Variants in PRR5L observed in about 807,000 individuals in gnomAD.
PRR5L encodes the protein proline-rich protein 5-like.
A neutral mutation model predicts 36.4 loss-of-function variants in PRR5L; 21 were observed. That is an observed-to-expected ratio of 0.58 (90% CI 0.41 to 0.83). PRR5L has a LOEUF of 0.83. Among genes scored for constraint, PRR5L ranks in the 40% least tolerant of loss-of-function variants. The pLI is 0.00. For synonymous variants in PRR5L, 188 were observed against 197.0 expected, an observed-to-expected ratio of 0.95 and a Z score of 0.38; for missense variants, 381 against 473.3, an observed-to-expected ratio of 0.80 and a Z score of 1.81.
At chr11:36,410,633 G>A (rs1168484999) in intron 3 of PRR5L, among the ~76,000 whole-genome samples, 11 of 152,200 alleles carry the variant, frequency 7.2e-5, no homozygotes, top group Admixed American at 5.9e-4. Flanking sequence ...CTCTTCGTCA[G>A]TTTCCTCCAT....
chr11:36,396,444 G>A (rs993256983), intron 1 of PRR5L, among the ~76,000 whole-genome samples: 9 of 152,356 alleles, frequency 5.9e-5, no homozygotes, highest in East Asian at 1.9e-4. Context: ...TGGGGATGGC[G>A]GCTCAGAGGA....
chr11:36,340,072 T>A (rs1856804137), intron 1 of PRR5L, among the ~76,000 whole-genome samples: 1 of 152,222 alleles, frequency 6.6e-6, no homozygotes, highest in African/African-American at 2.4e-5. Flanking sequence ...ACAGCTTTGA[T>A]CTCATCCATT....
chr11:36,434,998 A>G (rs1858575088), intron 5 of PRR5L, among the ~76,000 whole-genome samples: 1 of 152,212 alleles, frequency 6.6e-6, no homozygotes. Flanking sequence ...CTGACCTGCA[A>G]GGTTCTCTCT....
At chr11:36,331,198 A>T (rs1246414158) in intron 1 of PRR5L, among the ~76,000 whole-genome samples, 3 of 150,248 alleles carry the variant, frequency 2.0e-5, no homozygotes, top group Admixed American at 2.0e-4. Flanking sequence ...GACAGTTAAG[A>T]ATCCCTTTTT....
chr11:36,328,251 T>A (rs183396662), intron 1 of PRR5L, among the ~76,000 whole-genome samples: 4 of 152,236 alleles, frequency 2.6e-5, no homozygotes, highest in Admixed American at 6.5e-5. Flanking sequence ...CTCAGAAATA[T>A]GAGTGGGAAA....
chr11:36,365,808 T>C (rs564617007), intron 1 of PRR5L, among the ~76,000 whole-genome samples: 1 of 152,332 alleles, frequency 6.6e-6, no homozygotes, highest in East Asian at 1.9e-4. Context: ...TCTGTGTTAT[T>C]GTCAGACTAG....
chr11:36,325,454 G>A (rs902850208), intron 1 of PRR5L, among the ~76,000 whole-genome samples: 2 of 152,222 alleles, frequency 1.3e-5, no homozygotes, highest in Non-Finnish European at 2.9e-5. Flanking sequence ...ATTTAATAGA[G>A]TGAAAACAGA....
chr11:36,360,151 C>T (rs1857071882), intron 1 of PRR5L, among the ~76,000 whole-genome samples: 2 of 151,936 alleles, frequency 1.3e-5, no homozygotes, highest in Admixed American at 1.3e-4. Context: ...GCCTGAATCT[C>T]AGGAGAATCA....
chr11:36,424,536 G>A (rs1446103233), intron 4 of PRR5L, among the ~76,000 whole-genome samples: 1 of 152,224 alleles, frequency 6.6e-6, no homozygotes, highest in Non-Finnish European at 1.5e-5. Context: ...GTGATTCAGT[G>A]GGCATGAGAA....
At chr11:36,311,862 C>T (rs1009686413) in intron 1 of PRR5L, among the ~76,000 whole-genome samples, 13 of 152,030 alleles carry the variant, frequency 8.6e-5, no homozygotes, top group African/African-American at 1.2e-4. Context: ...AGCTTGGAGA[C>T]CATCTGAATG....
chr11:36,302,189 C>A (rs1487513257), intron 1 of PRR5L, among the ~76,000 whole-genome samples: 2 of 152,064 alleles, frequency 1.3e-5, no homozygotes, highest in African/African-American at 4.8e-5. Flanking sequence ...GGCCTCTAAT[C>A]AGAATTTGAT....
At chr11:36,368,472 C>T (rs527748775) in intron 1 of PRR5L, among the ~76,000 whole-genome samples, 1 of 152,288 alleles carries the variant, frequency 6.6e-6, no homozygotes, top group South Asian at 2.1e-4. Context: ...AAGCAGAGTT[C>T]ACTTTGAACA....
chr11:36,351,675 T>TTATATA (rs1268378545), intron 1 of PRR5L, among the ~76,000 whole-genome samples: 3 of 1,568 alleles, frequency 1.9e-3, no homozygotes, highest in Non-Finnish European at 3.6e-3. Flanking sequence ...ATTTATATAC[T>TTATATA]TATATATTTA....
intron 1 of PRR5L, among the ~76,000 whole-genome samples, chr11:36,318,427 T>A (rs1263277920): frequency 7.2e-5 from 11 of 151,834 alleles, no homozygotes; most frequent in Non-Finnish European, 1.6e-4. Flanking sequence ...ATTCATTGGC[T>A]AATTTCCTTC....
At chr11:36,425,130 C>T (rs902469597) in intron 4 of PRR5L, among the ~76,000 whole-genome samples, 11 of 152,172 alleles carry the variant, frequency 7.2e-5, no homozygotes, top group African/African-American at 2.7e-4. Context: ...CCACAATCTG[C>T]GTTTTGATGA....
intron 1 of PRR5L, among the ~76,000 whole-genome samples, chr11:36,370,291 T>C (rs1857184571): frequency 6.6e-6 from 1 of 152,246 alleles, no homozygotes; most frequent in African/African-American, 2.4e-5. Flanking sequence ...AGTCTCAATT[T>C]CAAAGTTATC....
Position 36,433,724 on chromosome 11 carries a change from A to G in PRR5L, c.352+1814A>G, listed in dbSNP as rs113604112. Among the ~76,000 whole-genome samples the G allele has an allele frequency of 5.3e-5, 8 of 152,184 alleles. 1 individual carries two copies. The highest frequency in any genetic ancestry group is 1.2e-4 in the African/African-American group (5 of 41,514). ...GCCACCACGCCCAGCTAATTTTTGT[A>G]TATTTAGTAGGCGTTTCACCATGTT... On this transcript the variant is annotated intron_variant, in intron 5 of 8. Transcript: ENST00000530639.
chr11:36,299,230 C>T (rs11033540), intron 1 of PRR5L, among the ~76,000 whole-genome samples: 5,477 of 152,304 alleles, frequency 0.036, 155 homozygotes, highest in East Asian at 0.099. Flanking sequence ...ACCACGTTCT[C>T]TCCACTCCAG....
At chr11:36,309,919 G>C (rs148847646) in intron 1 of PRR5L, among the ~76,000 whole-genome samples, 1 of 3,216 alleles carries the variant, frequency 3.1e-4, no homozygotes, top group Non-Finnish European at 1.9e-3. Flanking sequence ...TAGTTATGTG[G>C]CAATTCTTTG....
Sources: allele counts gnomAD v4.1 joint callset (sites outside exome capture counted in the v4.1 genomes callset), GRCh38; gene constraint gnomAD v4.1.1; transcripts MANE v1.5; gene names NCBI Gene and HGNC (gene_info 2026-07-23, HGNC 2026-07-21).